The following CADM2 variants were observed in gnomAD, a reference collection of about 807,000 sequenced individuals.
The protein encoded by CADM2 is immunoglobulin superfamily member 4D.
A neutral mutation model predicts 49.8 loss-of-function variants in CADM2; 12 were observed. The observed-to-expected ratio is 0.24, with a 90% CI of 0.15 to 0.39. CADM2 has a LOEUF of 0.39. Ranked by LOEUF, CADM2 falls within the 10% of genes least tolerant of loss-of-function variation. The pLI, the probability that CADM2 is intolerant of heterozygous loss-of-function variation, is 1.00. For missense variants in CADM2, 378 were observed against 492.3 expected (o/e 0.77, Z 2.20); for synonymous variants, 214 against 175.4 (o/e 1.22, Z -1.74).
chr3:85,304,918 T>A (rs757110170), intron 1 of CADM2, among the ~76,000 whole-genome samples: 2 of 151,712 alleles, frequency 1.3e-5, no homozygotes, highest in Non-Finnish European at 3.0e-5. Context: ...CCTTGTCCAA[T>A]GTAGGTGATA....
chr3:84,964,754 A>G (rs1329140374), intron 1 of CADM2, among the ~76,000 whole-genome samples: 2 of 152,270 alleles, frequency 1.3e-5, no homozygotes, highest in African/African-American at 2.4e-5. Context: ...TAGCTATGCA[A>G]TTTTCTTATC....
chr3:85,292,949 C>G (rs2043843303), intron 1 of CADM2, among the ~76,000 whole-genome samples: 1 of 151,910 alleles, frequency 6.6e-6, no homozygotes, highest in African/African-American at 2.4e-5. Context: ...CAGAGCAGAA[C>G]TGAAGGAAAT....
chr3:85,190,327 C>G (rs1319789464), intron 1 of CADM2, among the ~76,000 whole-genome samples: 1 of 152,020 alleles, frequency 6.6e-6, no homozygotes, highest in East Asian at 1.9e-4. Context: ...GTCATTCCCC[C>G]CTTAATAATC....
intron 8 of CADM2, among the ~76,000 whole-genome samples, chr3:85,999,103 A>G (rs576162025): frequency 1.3e-5 from 2 of 152,320 alleles, no homozygotes; most frequent in South Asian, 4.1e-4. Context: ...ATATCTAATT[A>G]ACAAGTAGGA....
In CADM2 at chr3:85,858,310, C is replaced by T. The variant is rs568874785; in HGVS notation, c.239-24981C>T. 6.6e-5 allele frequency among the ~76,000 whole-genome samples: 10 copies of T among 152,272 alleles called. No individual in the cohort carries two copies. In the South Asian group the frequency reaches 1.0e-3, roughly 16 times the overall value. ...CTTGAGGAATTATAACTTTGTTTAT[C>T]CGATTATATTACATTTAACACAATT... On this transcript the variant is annotated intron_variant, in intron 3 of 9. Transcript: ENST00000383699.
intron 1 of CADM2, among the ~76,000 whole-genome samples, chr3:85,075,275 A>C (rs2036902061): frequency 6.6e-6 from 1 of 151,950 alleles, no homozygotes; most frequent in African/African-American, 2.4e-5. Flanking sequence ...ATTTGAACCA[A>C]TAGAAGTTTA....
At chr3:85,463,329 C>T (rs1258344367) in intron 1 of CADM2, among the ~76,000 whole-genome samples, 2 of 152,090 alleles carry the variant, frequency 1.3e-5, no homozygotes, top group Non-Finnish European at 2.9e-5. Context: ...GGGCTCTTCT[C>T]ATATGTTCTC....
intron 1 of CADM2, among the ~76,000 whole-genome samples, chr3:85,661,591 A>G (rs968407844): frequency 6.6e-6 from 1 of 151,948 alleles, no homozygotes; most frequent in Non-Finnish European, 1.5e-5. Flanking sequence ...CCATGTCTTT[A>G]CCTAGTTTAT....
intron 1 of CADM2, among the ~76,000 whole-genome samples, chr3:85,496,632 T>C (rs1417436584): frequency 6.6e-6 from 1 of 152,174 alleles, no homozygotes; most frequent in African/African-American, 2.4e-5. Flanking sequence ...TTTTCCACAG[T>C]GGCTGAACTA....
At chr3:85,554,382 A>G (rs1296557876) in intron 1 of CADM2, among the ~76,000 whole-genome samples, 1 of 152,108 alleles carries the variant, frequency 6.6e-6, no homozygotes. Context: ...GGTTCCTAAT[A>G]GGCCAGGGAC....
chr3:85,036,785 A>G (rs1347299291), intron 1 of CADM2, among the ~76,000 whole-genome samples: 3 of 152,082 alleles, frequency 2.0e-5, no homozygotes, highest in Non-Finnish European at 4.4e-5. Flanking sequence ...TAAGTAATTT[A>G]AGAAAAACTG....
chr3:85,363,184 A>G (rs1195849539), intron 1 of CADM2, among the ~76,000 whole-genome samples: 1 of 152,172 alleles, frequency 6.6e-6, no homozygotes, highest in African/African-American at 2.4e-5. Context: ...TCTCAAACAC[A>G]ATTTCCAAAC....
chr3:85,697,183 T>C (rs1011848507), intron 1 of CADM2, among the ~76,000 whole-genome samples: 2 of 151,602 alleles, frequency 1.3e-5, no homozygotes, highest in Non-Finnish European at 2.9e-5. Context: ...CTATCACAGA[T>C]GAAAACAATG....
intron 1 of CADM2, among the ~76,000 whole-genome samples, chr3:85,565,629 A>T (rs1268758896): frequency 1.3e-5 from 2 of 152,032 alleles, no homozygotes; most frequent in Non-Finnish European, 2.9e-5. Flanking sequence ...TCTCTCTAAG[A>T]GGAAAAAAAT....
intron 1 of CADM2, among the ~76,000 whole-genome samples, chr3:85,100,457 AAAAT>A (rs2037970595): frequency 1.3e-5 from 2 of 152,200 alleles, no homozygotes; most frequent in Non-Finnish European, 2.9e-5. Flanking sequence ...AATGCATTGA[AAAAT>A]AAAGCATCAA....
In CADM2 at chr3:85,811,338, C is replaced by T. The variant is rs552288011; in HGVS notation, c.238+9142C>T. ...TTGTTGTTTGTAAACATATATTTTA[C>T]TAAAACCCTACTAAAAGAAAAATTA... On this transcript the variant is annotated intron_variant, in intron 3 of 9. Coordinates refer to ENST00000383699, the MANE Select transcript of CADM2 (RefSeq NM_001167675.2). 2.6e-5 allele frequency among the ~76,000 whole-genome samples: 4 copies of T among 152,222 alleles called. No individual in the cohort carries two copies. The South Asian group carries it at 8.3e-4, about 32-fold the overall frequency.
At chr3:85,710,833 T>C (rs1455376388) in intron 1 of CADM2, among the ~76,000 whole-genome samples, 2 of 152,112 alleles carry the variant, frequency 1.3e-5, no homozygotes, top group African/African-American at 2.4e-5. Flanking sequence ...TGCCCTTCTA[T>C]TTAGAGTGCA....
chr3:85,957,023 A>G (rs146454442), intron 7 of CADM2, among the ~76,000 whole-genome samples: 11 of 151,822 alleles, frequency 7.2e-5, no homozygotes, highest in Non-Finnish European at 1.5e-5. Context: ...TATCACCAGT[A>G]TAACTTCTAT....
At chr3:85,942,783 C>T (rs143232876) in intron 7 of CADM2, among the ~76,000 whole-genome samples, 256 of 151,982 alleles carry the variant, frequency 1.7e-3, no homozygotes, top group African/African-American at 6.1e-3. Context: ...TGAATAATGT[C>T]GCAGTAAACA....
Sources: gnomAD v4.1 joint callset for allele counts (sites outside exome capture counted in the v4.1 genomes callset) on GRCh38, gnomAD v4.1.1 for gene constraint, MANE v1.5 for transcripts, NCBI Gene and HGNC (gene_info 2026-07-23, HGNC 2026-07-21) for gene names.